Variants in KMT2E observed in about 807,000 individuals in gnomAD.
The protein encoded by KMT2E is lysine methyltransferase 2E (inactive).
Under a neutral mutation model 184.6 loss-of-function variants are expected in KMT2E, and 30 were observed. That is an observed-to-expected ratio of 0.16 (90% CI 0.12 to 0.22). The LOEUF is 0.22. KMT2E is among the 10% of genes least tolerant of loss of function. The pLI, the probability that KMT2E is intolerant of heterozygous loss-of-function variation, is 1.00. For missense variants in KMT2E, 2,023 were observed against 2,237.4 expected (o/e 0.90, Z 1.93); for synonymous variants, 815 against 776.5 (o/e 1.05, Z -0.82).
intron 17 of KMT2E, chr7:105,103,561 C>T (rs905560129): frequency 3.9e-5 from 6 of 152,110 alleles, no homozygotes; most frequent in African/African-American, 9.7e-5. Context: ...TTAACTTGCT[C>T]ATGGTCATAG....
intron 19 of KMT2E, among the ~76,000 whole-genome samples, chr7:105,106,280 G>C (rs1348841030): frequency 1.3e-5 from 2 of 152,194 alleles, no homozygotes; most frequent in African/African-American, 2.4e-5. Flanking sequence ...ATCGGTACTT[G>C]TAAGATACTT....
intron 12 of KMT2E, among the ~76,000 whole-genome samples, chr7:105,080,748 C>T (rs1797730754): frequency 6.6e-6 from 1 of 152,204 alleles, no homozygotes; most frequent in Admixed American, 6.5e-5. Flanking sequence ...CAGTGGCTCA[C>T]ACCTGTAATC....
intron 26 of KMT2E, 157 bp downstream of exon 26, chr7:105,111,025 T>C (rs1799228851): frequency 8.2e-6 from 5 of 610,486 alleles, no homozygotes; most frequent in Non-Finnish European, 1.5e-5. Flanking sequence ...TGTTTACTAC[T>C]GTTTGTTCTT....
At chr7:105,076,382 T>C (rs1797526776) in intron 9 of KMT2E, among the ~76,000 whole-genome samples, 1 of 152,260 alleles carries the variant, frequency 6.6e-6, no homozygotes, top group Admixed American at 6.5e-5. Context: ...AGTATTACTA[T>C]ACTGTACTTA....
chr7:105,096,622 T>C (rs1206881125), intron 15 of KMT2E, among the ~76,000 whole-genome samples: 3 of 152,344 alleles, frequency 2.0e-5, no homozygotes, highest in African/African-American at 7.2e-5. Flanking sequence ...GTTTTATTCA[T>C]TGTTGTAGCC....
At chr7:105,089,279 A>G (rs1238285491) in intron 13 of KMT2E, 1 of 425,210 alleles carries the variant, frequency 2.4e-6, no homozygotes, top group Admixed American at 2.6e-5. Flanking sequence ...GCTCACTGCA[A>G]CTTCTGCCTC....
intron 3 of KMT2E, among the ~76,000 whole-genome samples, chr7:105,043,325 C>T (rs910588953): frequency 8.6e-5 from 13 of 150,552 alleles, no homozygotes; most frequent in Admixed American, 6.6e-5. Flanking sequence ...CAAGCTCCGC[C>T]TCCCGGGTTC....
chr7:105,019,648 A>G (rs1212732622), intron 1 of KMT2E, among the ~76,000 whole-genome samples: 1 of 152,198 alleles, frequency 6.6e-6, no homozygotes, highest in Non-Finnish European at 1.5e-5. Flanking sequence ...CTGGGTTTAG[A>G]AAGGATCTGC....
Position 105,040,890 on chromosome 7 carries a change from C to A in KMT2E, c.-63C>A, listed in dbSNP as rs779120802. ...CAATGAGCACTGTGGCTGGCATGCC[C>A]CAGTGTTTTGGATACCAATGCATAG... is the stretch of plus-strand genomic sequence containing the variant. On this transcript the variant is annotated 5_prime_UTR_variant, in exon 3 of 27. Transcript: ENST00000311117. 1 of 1,194,344 alleles carries A rather than the reference C, an allele frequency of 8.4e-7. No individual in the cohort carries two copies. The highest frequency in any genetic ancestry group is 1.2e-6 in the Non-Finnish European group (1 of 811,528). The allele number at this position is 1,194,344 out of a possible 1,614,324, so 74.0% of individuals were successfully genotyped here.
rs769919850 is a variant in KMT2E, at chr7:105,112,524, C to T, written c.4768C>T (p.Leu1590Phe). The change falls in exon 27 of 27, where the codon CTT becomes TTT. Residue 1590 changes from leucine (L) to phenylalanine (F), a missense_variant. Leu to Phe is a conservative substitution (Grantham distance 22). Around this residue, in one of 8 missense-constraint regions of KMT2E, gnomAD observed 1,108 missense variants for 1,050.9 expected, o/e 1.05. Transcript: ENST00000311117. ...GTTTACATCAGGACCAAATCAAGCA[C>T]TTCCTGGCACCACAAGCCAGCAAAC... ...TVFTSGPNQA[L>F]PGTTSQQTVP... 3 of 1,614,008 alleles carry T rather than the reference C, an allele frequency of 1.9e-6. No individual in the cohort carries two copies. The highest frequency in any genetic ancestry group is 1.6e-4 in the Middle Eastern group (1 of 6,084).
At chr7:105,086,974 CTA>C (rs1797997511) in intron 13 of KMT2E, among the ~76,000 whole-genome samples, 1 of 144,986 alleles carries the variant, frequency 6.9e-6, no homozygotes, top group Non-Finnish European at 1.5e-5. Context: ...AGCATATATA[CTA>C]TATATTATAC....
rs1799474618 is a variant in KMT2E, at chr7:105,114,020, T to TGTCA, written c.*688_*691dup. ...AATTTCTTTTTTATTTTAAATATAC[T>TGTCA]GTCACACTGAAGCACTGGTTGGGCA... On this transcript the variant is annotated 3_prime_UTR_variant, in exon 27 of 27. Coordinates refer to ENST00000311117, the MANE Select transcript of KMT2E (RefSeq NM_182931.3). 2.0e-5 allele frequency: 3 copies of TGTCA among 152,684 alleles called. No homozygotes were observed. The South Asian group carries it at 6.2e-4, about 32-fold the overall frequency. 9.5% of individuals were successfully genotyped at this position (152,684 alleles called of 1,614,324 possible).
At chr7:105,043,265 C>A (rs1241399577) in intron 3 of KMT2E, among the ~76,000 whole-genome samples, 1 of 141,226 alleles carries the variant, frequency 7.1e-6, no homozygotes, top group African/African-American at 2.6e-5. Flanking sequence ...GAGACGGAGT[C>A]TTGCTCTGTC....
At chr7:105,029,153 C>A (rs757000623) in intron 1 of KMT2E, among the ~76,000 whole-genome samples, 1 of 151,888 alleles carries the variant, frequency 6.6e-6, no homozygotes, top group Admixed American at 6.6e-5. Context: ...AATCTAGCTA[C>A]GTGGGAGGCT....
At position 105,112,851 on chromosome 7, in the gene KMT2E, G is replaced by A. The variant is rs1448739301; in HGVS notation, c.5095G>A (p.Gly1699Arg). ...HHHPPPHPST[G>R]LQGLQAQHQH... Reference sequence around the variant, plus strand: ...CCATCCACCACCCCATCCATCCACAGGACTCCAAGGTCTACAAGCACAACA... The same window carrying A: ...CCATCCACCACCCCATCCATCCACAAGACTCCAAGGTCTACAAGCACAACA... The change falls in exon 27 of 27, where the codon GGA becomes AGA. Residue 1699 changes from glycine (G) to arginine (R), a missense_variant. Coordinates refer to ENST00000311117, the MANE Select transcript of KMT2E (RefSeq NM_182931.3). 1 of 1,327,768 alleles carries A rather than the reference G, an allele frequency of 7.5e-7. No individual in the cohort carries two copies. Among genetic ancestry groups the A allele is most frequent in the South Asian group, 1.2e-5 (1 of 86,908 alleles). The allele number at this position is 1,327,768 out of a possible 1,614,324, so 82.2% of individuals were successfully genotyped here.
intron 18 of KMT2E, 59 bp downstream of exon 18, chr7:105,105,752 C>T: frequency 1.9e-6 from 3 of 1,570,072 alleles, no homozygotes; most frequent in African/African-American, 1.4e-5. Context: ...TCATTCCTTA[C>T]TACCATCCAT....
At chr7:105,098,842 G>C (rs907371154) in intron 15 of KMT2E, among the ~76,000 whole-genome samples, 10 of 152,174 alleles carry the variant, frequency 6.6e-5, no homozygotes, top group African/African-American at 2.4e-4. Flanking sequence ...ACAATGTATA[G>C]ATTTCATGGG....
chr7:105,112,426 A>C lies in KMT2E; in HGVS notation c.4670A>C (p.Tyr1557Ser), dbSNP rs1219699240. 3 of 1,612,838 alleles carry C rather than the reference A, an allele frequency of 1.9e-6. No individual in the cohort carries two copies. The highest frequency in any genetic ancestry group is 1.7e-5 in the Admixed American group (1 of 59,950). ...CCTCCACCTCCTTCTTCGTCTTACTATCAAAACCAGCAGCCCTCTGCAAAC... is the reference window on the plus strand; with the variant it reads ...CCTCCACCTCCTTCTTCGTCTTACTCTCAAAACCAGCAGCCCTCTGCAAAC... ...PPPPPPSSSY[Y>S]QNQQPSANFQ... Residue 1557 changes from tyrosine to serine, a missense_variant, in exon 27 of 27, where the codon TAT becomes TCT. This residue lies in a region of KMT2E where 1,108 missense variants were observed against 1,050.9 expected (regional missense o/e 1.05). Coordinates refer to ENST00000311117, the MANE Select transcript of KMT2E (RefSeq NM_182931.3).
intron 13 of KMT2E, among the ~76,000 whole-genome samples, chr7:105,084,222 C>T (rs2010134936): frequency 6.6e-6 from 1 of 152,214 alleles, no homozygotes; most frequent in Admixed American, 6.5e-5. Context: ...ATCTACCATA[C>T]ATCTTTAGCA....
Sources: allele counts gnomAD v4.1 joint callset (sites outside exome capture counted in the v4.1 genomes callset), GRCh38; gene constraint gnomAD v4.1.1; regional missense constraint gnomAD v4.1.1; transcripts MANE v1.5; gene names NCBI Gene and HGNC (gene_info 2026-07-23, HGNC 2026-07-21).